SGMS2: variants seen among roughly 807,000 people sequenced by gnomAD.
SGMS2 encodes the protein phosphatidylcholine:ceramide cholinephosphotransferase 2.
In SGMS2, 21 loss-of-function variants were observed where a neutral mutation model predicts 43.8. The observed-to-expected ratio is 0.48, with a 90% CI of 0.34 to 0.69. SGMS2 has a LOEUF of 0.69. Ranked by LOEUF, SGMS2 falls within the 30% of genes least tolerant of loss-of-function variation. SGMS2 has a pLI of 0.01. For missense variants in SGMS2, 384 were observed against 443.2 expected, an observed-to-expected ratio of 0.87 and a Z score of 1.20; for synonymous variants, 167 against 160.6, an observed-to-expected ratio of 1.04 and a Z score of -0.30.
rs1413121771 is a variant in SGMS2 at position 107,910,699 on chromosome 4, G to A, written c.*146G>A. 1.6e-5 allele frequency: 11 copies of A among 690,912 alleles called. No homozygotes were observed. Among genetic ancestry groups the A allele is most frequent in the Non-Finnish European group, 2.6e-5 (11 of 418,516 alleles). The allele number at this position is 690,912 out of a possible 1,614,324, so 42.8% of individuals were successfully genotyped here. A position where few individuals can be genotyped will look rare whatever the true frequency, so the allele number is the denominator to read the frequency against. On this transcript the variant is annotated 3_prime_UTR_variant, in exon 7 of 7. Coordinates refer to ENST00000690982, the MANE Select transcript of SGMS2 (RefSeq NM_001375905.1). ...GTAAACGATTAGAAAGATGAACAAA[G>A]TATTGCCCTTTGACTGGTTTTCTTC...
intron 1 of SGMS2, among the ~76,000 whole-genome samples, chr4:107,837,445 A>G (rs1244491136): frequency 6.6e-6 from 1 of 152,188 alleles, no homozygotes; most frequent in Non-Finnish European, 1.5e-5. Context: ...GTGGAGGGAA[A>G]AAGCGTGATT....
At position 107,895,695 on chromosome 4, in the gene SGMS2, GGGCTGCGAAAA is replaced by G. The variant is rs1292622831; in HGVS notation, c.146_156del (p.Leu49HisfsTer15). On this transcript the variant is annotated frameshift_variant, in exon 3 of 7. Coordinates refer to ENST00000690982, the MANE Select transcript of SGMS2 (RefSeq NM_001375905.1). LOFTEE classifies it high-confidence loss of function. The stretch of plus-strand genomic sequence containing the variant: ...TGGTAAACCCAAGAGCTTATCCAGT[GGGCTGCGAAAA>G]GGCACCAAAAAGTACCCGGACTATA... The G allele has an allele frequency of 6.2e-7, 1 of 1,613,970 alleles. No individual in the cohort carries two copies. Among genetic ancestry groups the G allele is most frequent in the East Asian group, 2.2e-5 (1 of 44,850 alleles).
At chr4:107,894,875 G>A (rs957342402) in intron 2 of SGMS2, among the ~76,000 whole-genome samples, 4 of 152,068 alleles carry the variant, frequency 2.6e-5, no homozygotes, top group African/African-American at 7.2e-5. Context: ...ATTATTCAAT[G>A]CATATAAGCC....
At chr4:107,847,539 A>C (rs1360054518) in intron 1 of SGMS2, among the ~76,000 whole-genome samples, 1 of 151,956 alleles carries the variant, frequency 6.6e-6, no homozygotes. Flanking sequence ...GTTTGAAGTC[A>C]GGTAGTGTGA....
chr4:107,846,553 AATAGTGCCGCAATCAAC>A (rs1395825546), intron 1 of SGMS2, among the ~76,000 whole-genome samples: 2 of 151,016 alleles, frequency 1.3e-5, no homozygotes, highest in Non-Finnish European at 3.0e-5. Flanking sequence ...TGCTATTGTG[AATAGTGCCGCAATCAAC>A]ATACGTGTGC....
intron 1 of SGMS2, among the ~76,000 whole-genome samples, chr4:107,841,623 A>C (rs2125999370): frequency 6.6e-6 from 1 of 152,094 alleles, no homozygotes; most frequent in South Asian, 2.1e-4. Context: ...ACTTTTTAAA[A>C]ATTTTTTATT....
chr4:107,899,561 A>G lies in SGMS2; in HGVS notation c.456-14A>G, dbSNP rs1560670636. The G allele has an allele frequency of 1.3e-6, 2 of 1,585,692 alleles. No homozygotes were observed. Among genetic ancestry groups the G allele is most frequent in the East Asian group, 2.2e-5 (1 of 44,476 alleles). ...AGTAAACTTGTTTTTCCCCATCCCTATTTTTTCTTTTAGGTCAATAGTGGG... is the reference window on the plus strand; with the variant it reads ...AGTAAACTTGTTTTTCCCCATCCCTGTTTTTTCTTTTAGGTCAATAGTGGG... On this transcript the variant is annotated splice_polypyrimidine_tract_variant and intron_variant, in intron 3 of 6. Coordinates refer to ENST00000690982, the MANE Select transcript of SGMS2 (RefSeq NM_001375905.1).
Position 107,912,876 on chromosome 4 carries a change from G to C in SGMS2, c.*2323G>C, listed in dbSNP as rs1365044425. ...TGTCTTTACACGCATGTGTCGTATA[G>C]CTCTGTCATCGAGTTGAGGAAGTCC... is the stretch of plus-strand genomic sequence containing the variant. On this transcript the variant is annotated 3_prime_UTR_variant, in exon 7 of 7. Coordinates refer to ENST00000690982, the MANE Select transcript of SGMS2 (RefSeq NM_001375905.1). 6.6e-6 allele frequency: 1 copy of C among 152,030 alleles called. No homozygotes were observed. Among genetic ancestry groups the C allele is most frequent in the African/African-American group, 2.4e-5 (1 of 41,384 alleles). The allele number at this position is 152,030 out of a possible 1,614,324, so 9.4% of individuals were successfully genotyped here. A position where few individuals can be genotyped will look rare whatever the true frequency, so the allele number is the denominator to read the frequency against.
chr4:107,878,573 TCTAC>T (rs1008935415), intron 2 of SGMS2, among the ~76,000 whole-genome samples: 1 of 152,232 alleles, frequency 6.6e-6, no homozygotes, highest in Non-Finnish European at 1.5e-5. Context: ...ATCTAGTTAA[TCTAC>T]CTACCTACCT....
intron 2 of SGMS2, among the ~76,000 whole-genome samples, chr4:107,880,960 C>T (rs891699737): frequency 6.6e-6 from 1 of 151,924 alleles, no homozygotes; most frequent in African/African-American, 2.4e-5. Flanking sequence ...AAACTGAATG[C>T]TGTTAACATA....
At chr4:107,885,652 T>G (rs999369055) in intron 2 of SGMS2, among the ~76,000 whole-genome samples, 1 of 152,148 alleles carries the variant, frequency 6.6e-6, no homozygotes, top group Non-Finnish European at 1.5e-5. Flanking sequence ...TCTAGCCAAT[T>G]AAGCCAAGAA....
At chr4:107,861,383 A>G (rs770701978) in intron 2 of SGMS2, among the ~76,000 whole-genome samples, 5 of 152,218 alleles carry the variant, frequency 3.3e-5, no homozygotes, top group Non-Finnish European at 7.3e-5. Context: ...CTGAAGAAAT[A>G]AGCTTTCTAC....
intron 1 of SGMS2, among the ~76,000 whole-genome samples, chr4:107,832,781 A>G (rs1725961945): frequency 6.6e-6 from 1 of 152,200 alleles, no homozygotes; most frequent in Non-Finnish European, 1.5e-5. Flanking sequence ...TAGTCCCAGC[A>G]CTTTGGGAGG....
chr4:107,913,873 C>T lies in SGMS2; in HGVS notation c.*3320C>T, dbSNP rs1732278167. 6.6e-6 allele frequency: 1 copy of T among 151,976 alleles called. No homozygotes were observed. The highest frequency in any genetic ancestry group is 1.5e-5 in the Non-Finnish European group (1 of 67,984). 9.4% of individuals were successfully genotyped at this position (151,976 alleles called of 1,614,324 possible). A position where few individuals can be genotyped will look rare whatever the true frequency, so the allele number is the denominator to read the frequency against. On this transcript the variant is annotated 3_prime_UTR_variant, in exon 7 of 7. Coordinates refer to ENST00000690982, the MANE Select transcript of SGMS2 (RefSeq NM_001375905.1). ...TTTAGTTGAAAGTTCACATCTTGCC[C>T]CTTGAATAGTTTGAACATTTCTTTC...
In SGMS2 at chr4:107,903,295, G is replaced by T; in HGVS notation, c.636G>T (p.Leu212Phe). ...RILRLISGGG[L>F]SITGSHILCG... is the part of the protein sequence containing the mutation. ...TACGATTGATTTCTGGTGGTGGATTGTCCATAACTGGATCACATATCTTAT... is the reference window on the plus strand; with the variant it reads ...TACGATTGATTTCTGGTGGTGGATTTTCCATAACTGGATCACATATCTTAT... The change falls in exon 5 of 7, where the codon TTG becomes TTT. Residue 212 changes from leucine to phenylalanine, a missense_variant. Coordinates refer to ENST00000690982, the MANE Select transcript of SGMS2 (RefSeq NM_001375905.1). 3 of 1,613,972 alleles carry T rather than the reference G, an allele frequency of 1.9e-6. No homozygotes were observed. The highest frequency in any genetic ancestry group is 1.1e-5 in the South Asian group (1 of 91,070).
intron 1 of SGMS2, among the ~76,000 whole-genome samples, chr4:107,844,670 C>A (rs1578516002): frequency 6.6e-6 from 1 of 152,158 alleles, no homozygotes; most frequent in Non-Finnish European, 1.5e-5. Context: ...TGCACCACCG[C>A]TCTCCAGCCT....
chr4:107,869,187 G>A (rs1325109291), intron 2 of SGMS2, among the ~76,000 whole-genome samples: 1 of 152,148 alleles, frequency 6.6e-6, no homozygotes, highest in African/African-American at 2.4e-5. Context: ...CAACTGGGTA[G>A]TGAGTGCTGT....
chr4:107,851,985 C>T (rs1296468119), intron 1 of SGMS2, among the ~76,000 whole-genome samples: 3 of 152,042 alleles, frequency 2.0e-5, no homozygotes, highest in Non-Finnish European at 2.9e-5. Flanking sequence ...GCTTGCCCCA[C>T]ACACAGACTG....
In SGMS2 at chr4:107,895,666, G is replaced by A; in HGVS notation, c.113G>A (p.Gly38Asp). The change falls in exon 3 of 7, where the codon GGC becomes GAC. Residue 38 changes from glycine to aspartate, a missense_variant. Transcript: ENST00000690982. The part of the protein sequence containing the change: ...AEPVEEENKN[G>D]NGKPKSLSSG... ...CCTGTTGAAGAAGAAAACAAAAATG[G>A]CAATGGTAAACCCAAGAGCTTATCC... 3 of 1,613,938 alleles carry A rather than the reference G, an allele frequency of 1.9e-6. No homozygotes were observed. The highest frequency in any genetic ancestry group is 2.5e-6 in the Non-Finnish European group (3 of 1,179,952).
Sources: allele counts gnomAD v4.1 joint callset (sites outside exome capture counted in the v4.1 genomes callset), GRCh38; gene constraint gnomAD v4.1.1; transcripts MANE v1.5; gene names NCBI Gene and HGNC (gene_info 2026-07-23, HGNC 2026-07-21).